The following LARGE1 variants were observed in gnomAD, a reference collection of about 807,000 sequenced individuals.
LARGE1 encodes the protein LARGE xylosyl- and glucuronyltransferase 1.
In LARGE1, 43 loss-of-function variants were observed where a neutral mutation model predicts 87.6. The ratio of observed to expected loss-of-function variants is 0.49; its 90% confidence interval spans 0.38 to 0.63. The LOEUF (loss-of-function observed/expected upper bound fraction) is 0.63, where lower values mean the gene tolerates loss of function less well. LARGE1 is among the 30% of genes least tolerant of loss of function. LARGE1 has a pLI of 0.00. For synonymous variants in LARGE1, 434 were observed against 394.6 expected (o/e 1.10, Z -1.18); for missense variants, 802 against 1,000.2 (o/e 0.80, Z 2.67).
At chr22:33,561,773 G>C (rs989533169) in intron 6 of LARGE1, among the ~76,000 whole-genome samples, 3 of 152,212 alleles carry the variant, frequency 2.0e-5, no homozygotes, top group African/African-American at 7.2e-5. Context: ...CGCTGACATA[G>C]GAGGGAGGTA....
chr22:33,283,171 C>A (rs113385628), intron 13 of LARGE1, 31 bp downstream of exon 13: 2 of 1,613,454 alleles, frequency 1.2e-6, no homozygotes, highest in East Asian at 4.5e-5. Flanking sequence ...CCTTCGAGCA[C>A]CCCCAGAGTA....
chr22:33,636,358 C>T (rs375734493), intron 3 of LARGE1, among the ~76,000 whole-genome samples: 7 of 152,088 alleles, frequency 4.6e-5, no homozygotes, highest in South Asian at 2.1e-4. Context: ...ATCAGTGTAG[C>T]GCCATGTTAT....
intron 9 of LARGE1, among the ~76,000 whole-genome samples, chr22:33,355,102 T>C (rs765928765): frequency 2.6e-5 from 4 of 152,228 alleles, no homozygotes; most frequent in East Asian, 1.9e-4. Context: ...CTGTGACCCA[T>C]AGTTTAAATT....
the LARGE1 span, among the ~76,000 whole-genome samples, chr22:33,096,515 A>T: frequency 2.0e-5 from 3 of 150,360 alleles, no homozygotes; most frequent in Non-Finnish European, 3.0e-5. Flanking sequence ...GTTATTTAGC[A>T]TTCAACATTT....
At chr22:33,606,512 G>A (rs956551005) in intron 4 of LARGE1, among the ~76,000 whole-genome samples, 3 of 152,054 alleles carry the variant, frequency 2.0e-5, no homozygotes, top group East Asian at 3.9e-4. Flanking sequence ...TTAGCTCTCG[G>A]CCGTCGGCAT....
At chr22:33,545,505 G>A (rs1602353709) in intron 6 of LARGE1, among the ~76,000 whole-genome samples, 3 of 151,730 alleles carry the variant, frequency 2.0e-5, no homozygotes, top group East Asian at 3.9e-4. Context: ...GCAGTGGCAC[G>A]ATCTCAGCTC....
At chr22:33,131,618 G>A in the LARGE1 span, among the ~76,000 whole-genome samples, 1 of 152,130 alleles carries the variant, frequency 6.6e-6, no homozygotes, top group South Asian at 2.1e-4. Context: ...ATGTGCAAGG[G>A]AACTGTCCTT....
chr22:33,781,077 T>C (rs975503573), intron 1 of LARGE1, among the ~76,000 whole-genome samples: 1 of 152,254 alleles, frequency 6.6e-6, no homozygotes, highest in South Asian at 2.1e-4. Context: ...TAAGAATCAA[T>C]AGCCTGGTGG....
At chr22:33,499,899 G>A (rs1351903140) in intron 6 of LARGE1, among the ~76,000 whole-genome samples, 2 of 152,068 alleles carry the variant, frequency 1.3e-5, no homozygotes, top group Non-Finnish European at 2.9e-5. Context: ...TCAATCTCCT[G>A]AGTAGCTGGG....
At chr22:33,637,820 C>T (rs142217216) in intron 3 of LARGE1, among the ~76,000 whole-genome samples, 1 of 152,242 alleles carries the variant, frequency 6.6e-6, no homozygotes, top group African/African-American at 2.4e-5. Context: ...CCAAGCTGCT[C>T]CCAGATTCCT....
At chr22:33,408,995 T>C (rs1047739680) in intron 7 of LARGE1, among the ~76,000 whole-genome samples, 10 of 152,150 alleles carry the variant, frequency 6.6e-5, no homozygotes, top group Admixed American at 5.2e-4. Context: ...CGGTATGAAG[T>C]CTATGCTTCA....
intron 5 of LARGE1, among the ~76,000 whole-genome samples, 162 bp from the exon 6 acceptor site, chr22:33,565,181 G>A (rs187150644): frequency 1.4e-3 from 212 of 152,312 alleles, no homozygotes; most frequent in African/African-American, 4.9e-3. Flanking sequence ...TATATAATTT[G>A]CATTTTGACA....
In LARGE1 at chr22:33,245,592, T is replaced by C. The variant is rs5994704; in HGVS notation, c.1730+58637A>G. ...TTAAAAAAATGCCTCAGGATCTTGA[T>C]GCTATTTCAAACGTCTTTTGAAAGC... On this transcript the variant is annotated intron_variant, in intron 11 of 11. Transcript: ENST00000608642. Among the ~76,000 whole-genome samples the C allele has an allele frequency of 4.5e-3, 679 of 152,348 alleles. 5 individuals are homozygous for C. Among genetic ancestry groups the C allele is most frequent in the African/African-American group, 0.015 (640 of 41,590 alleles).
intron 6 of LARGE1, among the ~76,000 whole-genome samples, chr22:33,558,555 C>G (rs1164851722): frequency 6.6e-6 from 1 of 152,060 alleles, no homozygotes; most frequent in Non-Finnish European, 1.5e-5. Context: ...GGTTCAATGA[C>G]CTCCCTTAGA....
intron 4 of LARGE1, among the ~76,000 whole-genome samples, chr22:33,605,815 T>C (rs951517254): frequency 1.3e-5 from 2 of 152,082 alleles, no homozygotes; most frequent in Non-Finnish European, 1.5e-5. Flanking sequence ...CAGTTAAATA[T>C]AAGCACGGGG....
At chr22:33,119,092 G>T in the LARGE1 span, among the ~76,000 whole-genome samples, 8 of 152,328 alleles carry the variant, frequency 5.3e-5, no homozygotes, top group South Asian at 1.7e-3. Context: ...CTGGGCCTCT[G>T]AGGTCTCTCG....
intron 4 of LARGE1, among the ~76,000 whole-genome samples, chr22:33,611,058 G>A (rs189709700): frequency 1.6e-4 from 24 of 152,360 alleles, no homozygotes; most frequent in Admixed American, 6.5e-5. Context: ...AAGAAAGCCT[G>A]GGTGCCCATG....
rs570488449 is a variant in LARGE1 at position 33,913,710 on chromosome 22, A to AT, written c.-83+6284dup. ...AGGCACGCGCCACCATGCCCAGCTA[A>AT]TTTTTTTTTTTGTATTTTTAGTAGA... On this transcript the variant is annotated intron_variant, in intron 1 of 14. Coordinates refer to ENST00000397394, the MANE Select transcript of LARGE1 (RefSeq NM_133642.5). Among the ~76,000 whole-genome samples, 1,061 of 146,746 alleles carry AT rather than the reference A, an allele frequency of 7.2e-3. 11 individuals carry two copies. Among genetic ancestry groups the AT allele is most frequent in the African/African-American group, 0.022 (896 of 40,214 alleles).
At chr22:33,675,469 C>T (rs552512758) in intron 2 of LARGE1, among the ~76,000 whole-genome samples, 5 of 152,072 alleles carry the variant, frequency 3.3e-5, no homozygotes, top group African/African-American at 1.2e-4. Context: ...CAGCACATAT[C>T]TCTGATTGGA....
Sources: gnomAD v4.1 joint callset for allele counts (sites outside exome capture counted in the v4.1 genomes callset) on GRCh38, gnomAD v4.1.1 for gene constraint, MANE v1.5 for transcripts, NCBI Gene and HGNC (gene_info 2026-07-23, HGNC 2026-07-21) for gene names.